The following ENTPD4 variants were observed in gnomAD, a reference collection of about 807,000 sequenced individuals.
The protein encoded by ENTPD4 is ectonucleoside triphosphate diphosphohydrolase 4, also known as Golgi UDPase.
A neutral mutation model predicts 79.1 loss-of-function variants in ENTPD4; 60 were observed. The ratio of observed to expected loss-of-function variants is 0.76; its 90% CI spans 0.62 to 0.94. The LOEUF is 0.94. Among genes scored for constraint, ENTPD4 ranks in the 40% least tolerant of loss-of-function variants. ENTPD4 has a pLI of 0.00. For synonymous variants in ENTPD4, 276 were observed against 292.0 expected, an observed-to-expected ratio of 0.95 and a Z score of 0.56; for missense variants, 772 against 775.1, an observed-to-expected ratio of 1.00 and a Z score of 0.05.
rs1040128215 is a variant in ENTPD4 at position 23,429,840 on chromosome 8, C to T, written c.*3086G>A. ...TTAGGATGAACATGGGCAAAAAGCACTGGTACAGTTCCATGTGTTTCTCTT... is the reference window on the plus strand; with the variant it reads ...TTAGGATGAACATGGGCAAAAAGCATTGGTACAGTTCCATGTGTTTCTCTT... On this transcript the variant is annotated 3_prime_UTR_variant, in exon 13 of 13. Coordinates refer to ENST00000358689, the MANE Select transcript of ENTPD4 (RefSeq NM_004901.5). 3 of 985,344 alleles carry T rather than the reference C, an allele frequency of 3.0e-6. No homozygotes were observed. The highest frequency in any genetic ancestry group is 1.7e-5 in the African/African-American group (1 of 57,258). The allele number at this position is 985,344 out of a possible 1,614,324, so 61.0% of individuals were successfully genotyped here. A position where few individuals can be genotyped will look rare whatever the true frequency, so the allele number is the denominator to read the frequency against.
intron 8 of ENTPD4, among the ~76,000 whole-genome samples, chr8:23,440,930 T>A (rs753609955): frequency 5.3e-5 from 8 of 152,224 alleles, no homozygotes; most frequent in Non-Finnish European, 8.8e-5. Flanking sequence ...CCGGCCACGC[T>A]ATGCTGCCGC....
In ENTPD4 at chr8:23,430,942, C is replaced by T. The variant is rs774117678; in HGVS notation, c.*1984G>A. The T allele has an allele frequency of 1.6e-5, 16 of 985,314 alleles. No homozygotes were observed. The highest frequency in any genetic ancestry group is 1.9e-5 in the Non-Finnish European group (16 of 829,952). 61.0% of individuals were successfully genotyped at this position (985,314 alleles called of 1,614,324 possible). On this transcript the variant is annotated 3_prime_UTR_variant, in exon 13 of 13. Coordinates refer to ENST00000358689, the MANE Select transcript of ENTPD4 (RefSeq NM_004901.5). ...ACCCCTTTCTTAACAACTTTGACCA[C>T]GAAGCGCAAATACGATGCAGGTAAA...
intron 1 of ENTPD4, among the ~76,000 whole-genome samples, chr8:23,456,306 C>G (rs1462498405): frequency 6.6e-6 from 1 of 152,204 alleles, no homozygotes; most frequent in Non-Finnish European, 1.5e-5. Context: ...TCCGAGCCAC[C>G]ACCGTGTCCT....
In ENTPD4 at chr8:23,432,657, C is replaced by A; in HGVS notation, c.*269G>T. Reference sequence around the variant, plus strand: ...GGGACTACGGGCGCCCGCCACCACACCCAGCTAATTTTTTGTATTTTTAGT... The same window carrying A: ...GGGACTACGGGCGCCCGCCACCACAACCAGCTAATTTTTTGTATTTTTAGT... On this transcript the variant is annotated 3_prime_UTR_variant, in exon 13 of 13. Transcript: ENST00000358689. The A allele has an allele frequency of 1.4e-6, 1 of 713,236 alleles. No individual in the cohort carries two copies. The highest frequency in any genetic ancestry group is 5.7e-5 in the East Asian group (1 of 17,492). The allele number at this position is 713,236 out of a possible 1,614,324, so 44.2% of individuals were successfully genotyped here.
chr8:23,429,827 T>C lies in ENTPD4; in HGVS notation c.*3099A>G, dbSNP rs78884740. 8.8e-3 allele frequency: 8,641 copies of C among 985,416 alleles called. 161 individuals carry two copies. The East Asian group carries it at 0.14, about 16-fold the overall frequency. The allele number at this position is 985,416 out of a possible 1,614,324, so 61.0% of individuals were successfully genotyped here. On this transcript the variant is annotated 3_prime_UTR_variant, in exon 13 of 13. Transcript: ENST00000358689. ...CTAAAGCCGGAGCTTAGGATGAACA[T>C]GGGCAAAAAGCACTGGTACAGTTCC...
chr8:23,455,490 A>C (rs1800941764), intron 1 of ENTPD4, among the ~76,000 whole-genome samples: 1 of 149,396 alleles, frequency 6.7e-6, no homozygotes, highest in Non-Finnish European at 1.5e-5. Flanking sequence ...GTGACAAAAG[A>C]TACATGAAGA....
Position 23,441,753 on chromosome 8 carries a change from C to A in ENTPD4, c.728-30G>T, listed in dbSNP as rs767310036. The A allele has an allele frequency of 1.9e-6, 3 of 1,609,398 alleles. No individual in the cohort carries two copies. The South Asian group carries it at 3.3e-5, about 18-fold the overall frequency. On this transcript the variant is annotated intron_variant, in intron 7 of 12. Coordinates refer to ENST00000358689, the MANE Select transcript of ENTPD4 (RefSeq NM_004901.5). ...AAAGAACAGAAAGTGTTCACTGGAA[C>A]AGAACTAATCCAGAGAACTGGGCTC... is the stretch of plus-strand genomic sequence containing the variant.
In ENTPD4 at chr8:23,437,184, T is replaced by C. The variant is rs773326250; in HGVS notation, c.1124A>G (p.Asp375Gly). Residue 375 changes from aspartate (D) to glycine (G), a missense_variant, in exon 10 of 13, where the codon GAT becomes GGT. Coordinates refer to ENST00000358689, the MANE Select transcript of ENTPD4 (RefSeq NM_004901.5). ...GGTTTGTCCATTTTGCTGGATTTCA[T>C]CTTTAATGTCTAGGGGTAGGCAGGG... is the stretch of plus-strand genomic sequence containing the variant. ...LDPCLPLDIKDEIQQNGQTIY... is the reference protein window; with the variant it reads ...LDPCLPLDIKGEIQQNGQTIY... The C allele has an allele frequency of 3.1e-5, 50 of 1,614,092 alleles. No individual in the cohort carries two copies. Among genetic ancestry groups the C allele is most frequent in the Non-Finnish European group, 4.2e-5 (49 of 1,180,044 alleles).
intron 11 of ENTPD4, among the ~76,000 whole-genome samples, chr8:23,435,137 T>C (rs887079038): frequency 2.6e-5 from 4 of 152,228 alleles, no homozygotes; most frequent in African/African-American, 9.6e-5. Context: ...CTCTGATGTC[T>C]GGGCAGGACT....
At chr8:23,434,742 G>C in intron 11 of ENTPD4, 2 of 1,271,084 alleles carry the variant, frequency 1.6e-6, no homozygotes, top group Non-Finnish European at 2.0e-6. Context: ...CCCTGAGATA[G>C]GTTTCTTTTC....
At chr8:23,436,892 C>G (rs1800571529) in intron 10 of ENTPD4, 42 bp downstream of exon 10, 11 of 1,459,182 alleles carry the variant, frequency 7.5e-6, no homozygotes, top group Non-Finnish European at 9.3e-6. Context: ...CCACACTGGT[C>G]TCTCAAAAGC....
At chr8:23,456,133 C>T (rs1800953608) in intron 1 of ENTPD4, among the ~76,000 whole-genome samples, 1 of 152,208 alleles carries the variant, frequency 6.6e-6, no homozygotes, top group Non-Finnish European at 1.5e-5. Flanking sequence ...TCCTGTGTGG[C>T]ACCTGAAACC....
chr8:23,434,488 G>A lies in ENTPD4; in HGVS notation c.1461-10C>T. On this transcript the variant is annotated splice_polypyrimidine_tract_variant and intron_variant, in intron 11 of 12. Transcript: ENST00000358689. ...TTTGAAGCACTGATACCTACAAACG[G>A]CAAGCACAAAGGCAAGTCAGACTGA... The A allele has an allele frequency of 6.2e-7, 1 of 1,613,616 alleles. No individual in the cohort carries two copies. The highest frequency in any genetic ancestry group is 1.1e-5 in the South Asian group (1 of 91,056).
chr8:23,450,839 C>T (rs919514600), intron 1 of ENTPD4, among the ~76,000 whole-genome samples: 1 of 152,092 alleles, frequency 6.6e-6, no homozygotes, highest in Non-Finnish European at 1.5e-5. Context: ...GAATGTTGCA[C>T]AGAACCATGA....
chr8:23,454,098 CT>C (rs1369634754), intron 1 of ENTPD4, among the ~76,000 whole-genome samples: 1 of 152,178 alleles, frequency 6.6e-6, no homozygotes, highest in Non-Finnish European at 1.5e-5. Context: ...CTTCCCTAGG[CT>C]TGCCTATATT....
rs1800435472 is a variant in ENTPD4 at position 23,430,472 on chromosome 8, C to CT, written c.*2453dup. 6.1e-6 allele frequency: 6 copies of CT among 985,398 alleles called. No individual in the cohort carries two copies. The highest frequency in any genetic ancestry group is 7.2e-6 in the Non-Finnish European group (6 of 829,922). 61.0% of individuals were successfully genotyped at this position (985,398 alleles called of 1,614,324 possible). A position where few individuals can be genotyped will look rare whatever the true frequency, so the allele number is the denominator to read the frequency against. Reference sequence around the variant, plus strand: ...TTAAGAGGATGCTTCTGTCTGTATCCTTTTTTGAACTGCATTGTTCTCACA... The same window carrying CT: ...TTAAGAGGATGCTTCTGTCTGTATCCTTTTTTTGAACTGCATTGTTCTCACA... On this transcript the variant is annotated 3_prime_UTR_variant, in exon 13 of 13. Coordinates refer to ENST00000358689, the MANE Select transcript of ENTPD4 (RefSeq NM_004901.5).
At chr8:23,433,452 T>C (rs915231011) in intron 12 of ENTPD4, among the ~76,000 whole-genome samples, 3 of 152,164 alleles carry the variant, frequency 2.0e-5, no homozygotes, top group Non-Finnish European at 4.4e-5. Flanking sequence ...ACAAACTGCA[T>C]GCTTGTGATC....
chr8:23,437,013 G>A lies in ENTPD4; in HGVS notation c.1295C>T (p.Ser432Phe), dbSNP rs770182029. ...ATCCTCGGTGCAGTAGTAGAATTCG[G>A]AGAAGCCATAGAATTCACTGTTCTG... ...HFQNSEFYGFSEFYYCTEDVL... is the reference protein window; with the variant it reads ...HFQNSEFYGFFEFYYCTEDVL... The change falls in exon 10 of 13, where the codon TCC (serine) becomes TTC (phenylalanine). Residue 432 changes from serine (S) to phenylalanine (F), a missense_variant. Ser to Phe is a radical substitution (Grantham distance 155). Coordinates refer to ENST00000358689, the MANE Select transcript of ENTPD4 (RefSeq NM_004901.5). 5.0e-6 allele frequency: 8 copies of A among 1,613,988 alleles called. No homozygotes were observed. The highest frequency in any genetic ancestry group is 6.8e-6 in the Non-Finnish European group (8 of 1,179,972).
intron 12 of ENTPD4, 178 bp downstream of exon 12, chr8:23,434,139 G>A: frequency 2.8e-6 from 2 of 705,314 alleles, no homozygotes; most frequent in Non-Finnish European, 4.8e-6. Context: ...GGGTGAGAAG[G>A]GAGGAAGCAC....
Sources: allele counts gnomAD v4.1 joint callset (sites outside exome capture counted in the v4.1 genomes callset), GRCh38; gene constraint gnomAD v4.1.1; transcripts MANE v1.5; gene names NCBI Gene and HGNC (gene_info 2026-07-23, HGNC 2026-07-21).